EYS: variants seen among roughly 807,000 people sequenced by gnomAD.
The protein encoded by EYS is EGF-like photoreceptor maintenance factor.
A neutral mutation model predicts 282.1 loss-of-function variants in EYS; 250 were observed. The ratio of observed to expected loss-of-function variants is 0.89; its 90% CI spans 0.80 to 0.98. The LOEUF (loss-of-function observed/expected upper bound fraction) is 0.98, where lower values mean the gene tolerates loss of function less well. Ranked by LOEUF, EYS falls within the 50% of genes least tolerant of loss-of-function variation. The probability of loss-of-function intolerance (pLI) is 0.00; values close to 1 mark genes in which losing one functional copy is unlikely to be tolerated. For missense variants in EYS, 4,016 were observed against 3,709.0 expected, an observed-to-expected ratio of 1.08 and a Z score of -2.15; for synonymous variants, 1,355 against 1,282.9, an observed-to-expected ratio of 1.06 and a Z score of -1.20.
chr6:64,932,983 T>G (rs1768776683), intron 15 of EYS, among the ~76,000 whole-genome samples: 1 of 152,056 alleles, frequency 6.6e-6, no homozygotes, highest in Non-Finnish European at 1.5e-5. Context: ...AAATGTCAAG[T>G]TACCAGAAAA....
chr6:65,000,743 AC>A (rs1436839139), intron 13 of EYS, among the ~76,000 whole-genome samples: 1 of 152,206 alleles, frequency 6.6e-6, no homozygotes, highest in Non-Finnish European at 1.5e-5. Flanking sequence ...GTGCCACTGC[AC>A]TCCACACTGG....
At position 64,968,028 on chromosome 6, in the gene EYS, G is replaced by T. The variant is rs143139654; in HGVS notation, c.2260-22114C>A. Among the ~76,000 whole-genome samples the T allele has an allele frequency of 3.9e-5, 6 of 152,204 alleles. No homozygotes were observed. The East Asian group carries it at 1.2e-3, about 29-fold the overall frequency. On this transcript the variant is annotated intron_variant, in intron 14 of 42. Coordinates refer to ENST00000503581, the MANE Select transcript of EYS (RefSeq NM_001142800.2). Reference sequence around the variant, plus strand: ...CAAATGTGATTAGTTAAATGAATGAGGCCTTCAGAGGCAAGTGAAATGAAC... The same window carrying T: ...CAAATGTGATTAGTTAAATGAATGATGCCTTCAGAGGCAAGTGAAATGAAC...
At position 64,221,022 on chromosome 6, in the gene EYS, T is replaced by C. The variant is rs1323163533; in HGVS notation, c.6424+9570A>G. Among the ~76,000 whole-genome samples the C allele has an allele frequency of 2.6e-5, 4 of 152,110 alleles. No individual in the cohort carries two copies. The East Asian group carries it at 7.7e-4, about 29-fold the overall frequency. The stretch of plus-strand genomic sequence containing the variant: ...TATTATTGAGTTGGTTTCTATAACT[T>C]GGAGACAGAAAAAACCTTCAACTAA... On this transcript the variant is annotated intron_variant, in intron 31 of 42. Coordinates refer to ENST00000503581, the MANE Select transcript of EYS (RefSeq NM_001142800.2).
intron 24 of EYS, among the ~76,000 whole-genome samples, chr6:64,602,895 T>G (rs1354721523): frequency 1.3e-5 from 2 of 152,000 alleles, no homozygotes; most frequent in Non-Finnish European, 2.9e-5. Flanking sequence ...ATGTGTCAGG[T>G]AGCTCCTAGG....
intron 22 of EYS, among the ~76,000 whole-genome samples, chr6:64,702,944 T>C (rs948569568): frequency 2.0e-5 from 3 of 151,994 alleles, no homozygotes; most frequent in South Asian, 4.1e-4. Flanking sequence ...ATAGATAAAA[T>C]GGGGAGAATA....
intron 30 of EYS, among the ~76,000 whole-genome samples, chr6:64,286,100 G>A (rs765443506): frequency 3.9e-5 from 6 of 152,178 alleles, no homozygotes; most frequent in Non-Finnish European, 8.8e-5. Context: ...TTAAGCATAT[G>A]TGAGTTTCTT....
chr6:63,958,525 C>T (rs1765917425), intron 35 of EYS, among the ~76,000 whole-genome samples: 1 of 152,196 alleles, frequency 6.6e-6, no homozygotes, highest in Non-Finnish European at 1.5e-5. Context: ...CAAGCTACAG[C>T]AAATTATTCA....
intron 34 of EYS, among the ~76,000 whole-genome samples, chr6:63,994,310 C>G (rs567334065): frequency 2.0e-5 from 3 of 151,848 alleles, no homozygotes; most frequent in Admixed American, 6.6e-5. Flanking sequence ...TAAGTAGGAA[C>G]AGATAAATAT....
At chr6:64,199,585 A>G (rs1765399527) in intron 31 of EYS, among the ~76,000 whole-genome samples, 2 of 152,238 alleles carry the variant, frequency 1.3e-5, no homozygotes, top group South Asian at 4.1e-4. Flanking sequence ...ATGGGATCTA[A>G]TTAAACTAGA....
intron 35 of EYS, among the ~76,000 whole-genome samples, chr6:63,891,797 TG>T (rs1181731117): frequency 1.3e-5 from 2 of 151,856 alleles, no homozygotes; most frequent in Non-Finnish European, 2.9e-5. Context: ...TCAAATTGCC[TG>T]TTTGAGATGA....
At chr6:64,642,070 G>A (rs147687602) in intron 22 of EYS, among the ~76,000 whole-genome samples, 132 of 152,254 alleles carry the variant, frequency 8.7e-4, no homozygotes, top group Middle Eastern at 3.4e-3. Context: ...GAAATAACAT[G>A]AAGACAGAAA....
intron 7 of EYS, among the ~76,000 whole-genome samples, chr6:65,397,636 T>C (rs1401010121): frequency 2.0e-5 from 3 of 149,150 alleles, no homozygotes; most frequent in East Asian, 4.0e-4. Context: ...GTGTGTATCA[T>C]GTTTTTAATC....
At chr6:65,448,714 T>G (rs1173985678) in intron 5 of EYS, among the ~76,000 whole-genome samples, 5 of 152,044 alleles carry the variant, frequency 3.3e-5, no homozygotes, top group Non-Finnish European at 7.4e-5. Flanking sequence ...AGTTTTTGAC[T>G]TCTTTGAAAT....
chr6:64,551,127 C>T (rs1045967475), intron 26 of EYS, among the ~76,000 whole-genome samples: 25 of 148,366 alleles, frequency 1.7e-4, no homozygotes, highest in African/African-American at 5.7e-4. Context: ...CATATATACA[C>T]ACACATATAT....
At position 63,720,730 on chromosome 6, in the gene EYS, G is replaced by A. The variant is rs1768344207; in HGVS notation, c.9301C>T (p.Gln3101Ter). ...EYGRKVNIVT[Q>*]EIFKTNFVGK... Reference sequence around the variant, plus strand: ...ACAAAATTGGTTTTAAAAATCTCTTGAGTAACGATATTTACCTTTCTACCA... The same window carrying A: ...ACAAAATTGGTTTTAAAAATCTCTTAAGTAACGATATTTACCTTTCTACCA... The change falls in exon 43 of 43, where the codon CAA becomes TAA. Residue 3101 changes from glutamine to a stop codon, truncating the protein, a stop_gained. Coordinates refer to ENST00000503581, the MANE Select transcript of EYS (RefSeq NM_001142800.2). LOFTEE classifies it high-confidence loss of function. 2 of 1,549,042 alleles carry A rather than the reference G, an allele frequency of 1.3e-6. No homozygotes were observed. Among genetic ancestry groups the A allele is most frequent in the African/African-American group, 2.7e-5 (2 of 72,948 alleles).
chr6:64,016,308 G>C (rs777959381), intron 33 of EYS, among the ~76,000 whole-genome samples: 1 of 151,994 alleles, frequency 6.6e-6, no homozygotes, highest in Non-Finnish European at 1.5e-5. Flanking sequence ...ATATTACACA[G>C]CAGCCACCCT....
chr6:64,855,212 T>G (rs1199402142), intron 19 of EYS, among the ~76,000 whole-genome samples: 8 of 152,046 alleles, frequency 5.3e-5, no homozygotes, highest in Admixed American at 5.3e-4. Context: ...CTGATTGAGG[T>G]TCTCTGAGCT....
Position 65,689,239 on chromosome 6 carries a change from C to T in EYS, c.-448+17896G>A, listed in dbSNP as rs540318844. On this transcript the variant is annotated intron_variant, in intron 1 of 42. Coordinates refer to ENST00000503581, the MANE Select transcript of EYS (RefSeq NM_001142800.2). ...GTCCCTTGTAGGGACATGGATGAAG[C>T]TGGAAACCATCATTCTCAGCAAACT... Among the ~76,000 whole-genome samples the T allele has an allele frequency of 1.3e-4, 19 of 150,132 alleles. 1 individual carries two copies. The South Asian group carries it at 1.9e-3, about 15-fold the overall frequency.
At chr6:65,527,119 T>G (rs1767597697) in intron 2 of EYS, among the ~76,000 whole-genome samples, 1 of 152,162 alleles carries the variant, frequency 6.6e-6, no homozygotes, top group Admixed American at 6.5e-5. Context: ...ACAGAATGAC[T>G]TTCAATGAGG....
Sources: allele counts gnomAD v4.1 joint callset (sites outside exome capture counted in the v4.1 genomes callset), GRCh38; gene constraint gnomAD v4.1.1; transcripts MANE v1.5; gene names NCBI Gene and HGNC (gene_info 2026-07-23, HGNC 2026-07-21).